AGTPBP1: variants seen among roughly 807,000 people sequenced by gnomAD.
AGTPBP1 encodes ATP/GTP binding carboxypeptidase 1, also known as cytosolic carboxypeptidase 1.
In AGTPBP1, 70 loss-of-function variants were observed where a neutral mutation model predicts 143.9. The observed-to-expected ratio is 0.49, with a 90% confidence interval of 0.40 to 0.59. AGTPBP1 has a LOEUF of 0.59. AGTPBP1 is among the 20% of genes least tolerant of loss of function. The pLI, the probability that AGTPBP1 is intolerant of heterozygous loss-of-function variation, is 0.00. For missense variants in AGTPBP1, 1,229 were observed against 1,464.5 expected (o/e 0.84, Z 2.62); for synonymous variants, 463 against 500.2 (o/e 0.93, Z 0.99).
intron 13 of AGTPBP1, among the ~76,000 whole-genome samples, chr9:85,636,410 G>A (rs945830065): frequency 5.9e-5 from 9 of 151,734 alleles, no homozygotes; most frequent in African/African-American, 9.7e-5. Context: ...TTACAGGCAC[G>A]CACCACCACA....
intron 22 of AGTPBP1, 45 bp from the exon 23 acceptor site, chr9:85,585,639 T>G (rs748009835): frequency 2.0e-6 from 3 of 1,477,292 alleles, no homozygotes; most frequent in Non-Finnish European, 2.7e-6. Context: ...CAAGTTCATA[T>G]GTTGCTAAGT....
the AGTPBP1 span, chr9:85,764,764 CT>C: frequency 7.6e-7 from 1 of 1,313,948 alleles, no homozygotes; most frequent in Non-Finnish European, 1.1e-6. Flanking sequence ...TGGAACAAGA[CT>C]TCTCTGAAAA....
chr9:85,635,029 G>A lies in AGTPBP1; in HGVS notation c.1303-1655C>T, dbSNP rs12684495. 3.9e-4 allele frequency among the ~76,000 whole-genome samples: 60 copies of A among 152,160 alleles called. No homozygotes were observed. In the East Asian group the frequency reaches 0.011, roughly 28 times the overall value. ...TTTAATTTGCATTTCTCTGACTACT[G>A]GGAAGCAAACACTTTTCTATACATC... is the stretch of plus-strand genomic sequence containing the variant. On this transcript the variant is annotated intron_variant, in intron 13 of 25. Transcript: ENST00000357081.
intron 25 of AGTPBP1, among the ~76,000 whole-genome samples, chr9:85,555,536 T>G (rs190132425): frequency 6.6e-6 from 1 of 152,268 alleles, no homozygotes; most frequent in East Asian, 1.9e-4. Flanking sequence ...GAGGCAGAGA[T>G]TGCAGTGAGC....
chr9:85,566,572 C>G (rs1827117098), intron 25 of AGTPBP1, among the ~76,000 whole-genome samples: 1 of 145,020 alleles, frequency 6.9e-6, no homozygotes, highest in Admixed American at 6.8e-5. Context: ...AAAGTACACA[C>G]TTTCAGGTTC....
intron 25 of AGTPBP1, among the ~76,000 whole-genome samples, chr9:85,568,797 G>A (rs530051050): frequency 2.9e-4 from 44 of 152,276 alleles, no homozygotes; most frequent in Non-Finnish European, 4.7e-4. Context: ...AAGGGTAAGC[G>A]AGAGGAAAAT....
chr9:85,564,697 G>A (rs1362022285), intron 25 of AGTPBP1, among the ~76,000 whole-genome samples: 1 of 152,132 alleles, frequency 6.6e-6, no homozygotes, highest in Non-Finnish European at 1.5e-5. Context: ...TGTGTAATGG[G>A]CTATACCATC....
intron 4 of AGTPBP1, among the ~76,000 whole-genome samples, chr9:85,680,272 C>A (rs989060187): frequency 2.6e-5 from 4 of 151,810 alleles, no homozygotes; most frequent in African/African-American, 9.7e-5. Flanking sequence ...ATTATGTCTC[C>A]CCATTTGGAC....
the AGTPBP1 span, chr9:85,786,703 C>A: frequency 4.1e-6 from 5 of 1,209,944 alleles, no homozygotes; most frequent in East Asian, 7.8e-5. Flanking sequence ...AGGAAGGAAT[C>A]CCTAATTCTT....
intron 25 of AGTPBP1, among the ~76,000 whole-genome samples, chr9:85,560,698 C>T (rs1239576816): frequency 6.6e-6 from 1 of 151,788 alleles, no homozygotes; most frequent in Admixed American, 6.6e-5. Flanking sequence ...CAGATAACAC[C>T]CAGTTAAAGA....
chr9:85,723,187 G>A (rs1213239488), intron 1 of AGTPBP1, among the ~76,000 whole-genome samples: 1 of 152,222 alleles, frequency 6.6e-6, no homozygotes, highest in Non-Finnish European at 1.5e-5. Context: ...CGCCATGCTG[G>A]GAGAGCCACT....
At chr9:85,704,041 T>A (rs962213434) in intron 2 of AGTPBP1, among the ~76,000 whole-genome samples, 14 of 152,134 alleles carry the variant, frequency 9.2e-5, no homozygotes, top group Non-Finnish European at 2.9e-5. Context: ...ATCCACTAAG[T>A]TACCACCTGA....
At position 85,572,013 on chromosome 9, in the gene AGTPBP1, T is replaced by G. The variant is rs1246828653; in HGVS notation, c.3503+3302A>C. Among the ~76,000 whole-genome samples, 3 of 16,114 alleles carry G rather than the reference T, an allele frequency of 1.9e-4. No homozygotes were observed. In the African/African-American group the frequency reaches 2.5e-3, roughly 13 times the overall value. The allele number at this position is 16,114 out of a possible 152,430, so 10.6% of individuals were successfully genotyped here. ...TTAGTTGTTTGTGTGTGTTTTTTTT[T>G]TTTTTTTTTTTTTTTTTTTTTTTTT... On this transcript the variant is annotated intron_variant, in intron 25 of 25. Transcript: ENST00000357081.
At chr9:85,739,586 T>C (rs1278920805) in intron 1 of AGTPBP1, among the ~76,000 whole-genome samples, 3 of 151,510 alleles carry the variant, frequency 2.0e-5, no homozygotes, top group African/African-American at 7.3e-5. Flanking sequence ...TGTGCTCCTG[T>C]AATCCCAGCT....
chr9:85,625,596 T>G (rs866631706), intron 14 of AGTPBP1, among the ~76,000 whole-genome samples: 4 of 151,714 alleles, frequency 2.6e-5, no homozygotes, highest in East Asian at 3.9e-4. Flanking sequence ...AAAATACAGT[T>G]TTTTTTTTGC....
intron 25 of AGTPBP1, among the ~76,000 whole-genome samples, chr9:85,559,448 AATCTTTTTTTTTTTTAAGG>A (rs1295082688): frequency 5.3e-4 from 81 of 151,860 alleles, no homozygotes; most frequent in African/African-American, 1.9e-3. Flanking sequence ...AAAAAAAAAA[AATCTTTTTTTTTTTTAAGG>A]ATAAATTCAT....
chr9:85,576,502 C>T (rs1827910990), intron 24 of AGTPBP1, among the ~76,000 whole-genome samples: 1 of 152,084 alleles, frequency 6.6e-6, no homozygotes, highest in Non-Finnish European at 1.5e-5. Context: ...GAAATATGAC[C>T]TGACTTCATT....
the AGTPBP1 span, chr9:85,781,399 G>A: frequency 6.8e-7 from 1 of 1,475,336 alleles, no homozygotes; most frequent in Non-Finnish European, 9.0e-7. Context: ...TCTTAACACT[G>A]TTTCTCTAGC....
At chr9:85,631,937 T>C (rs574840705) in intron 14 of AGTPBP1, among the ~76,000 whole-genome samples, 1 of 152,200 alleles carries the variant, frequency 6.6e-6, no homozygotes, top group African/African-American at 2.4e-5. Flanking sequence ...TATTTAATAA[T>C]CTTATTGATG....
Sources: gnomAD v4.1 joint callset for allele counts (sites outside exome capture counted in the v4.1 genomes callset) on GRCh38, gnomAD v4.1.1 for gene constraint, MANE v1.5 for transcripts, NCBI Gene and HGNC (gene_info 2026-07-23, HGNC 2026-07-21) for gene names.